KIF24: variants seen among roughly 807,000 people sequenced by gnomAD.
The protein encoded by KIF24 is kinesin family member 24.
In KIF24, 81 loss-of-function variants were observed where a neutral mutation model predicts 118.9. That is an observed-to-expected ratio of 0.68 (90% confidence interval 0.57 to 0.82). The LOEUF (loss-of-function observed/expected upper bound fraction) is 0.82, where lower values mean the gene tolerates loss of function less well. KIF24 is among the 40% of genes least tolerant of loss of function. The pLI, the probability that KIF24 is intolerant of heterozygous loss-of-function variation, is 0.00. For missense variants in KIF24, 1,560 were observed against 1,661.6 expected, an observed-to-expected ratio of 0.94 and a Z score of 1.06; for synonymous variants, 599 against 610.0, an observed-to-expected ratio of 0.98 and a Z score of 0.27.
At position 34,286,718 on chromosome 9, in the gene KIF24, A is replaced by G. The variant is rs1259361792; in HGVS notation, c.1128-14T>C. ...CTTGCAAAGAGCCTGCAGATGCAAG[A>G]AAGTGGTTGGTATGATGGTGCTACT... On this transcript the variant is annotated splice_polypyrimidine_tract_variant and intron_variant, in intron 5 of 12. Coordinates refer to ENST00000402558, the MANE Select transcript of KIF24 (RefSeq NM_194313.4). 5 of 1,591,532 alleles carry G rather than the reference A, an allele frequency of 3.1e-6. No individual in the cohort carries two copies. In the South Asian group the frequency reaches 4.4e-5, roughly 14 times the overall value.
chr9:34,299,330 G>A (rs779332166), intron 3 of KIF24, among the ~76,000 whole-genome samples: 64 of 151,852 alleles, frequency 4.2e-4, no homozygotes, highest in Non-Finnish European at 7.4e-4. Flanking sequence ...ACAGGCGCCC[G>A]CCACCACGCC....
chr9:34,280,474 A>G (rs1429490427), intron 6 of KIF24, among the ~76,000 whole-genome samples: 1 of 152,014 alleles, frequency 6.6e-6, no homozygotes, highest in Non-Finnish European at 1.5e-5. Context: ...TGAGGACCAG[A>G]CTCACCTGAT....
chr9:34,276,944 C>A (rs1353641223), intron 6 of KIF24, among the ~76,000 whole-genome samples: 1 of 152,220 alleles, frequency 6.6e-6, no homozygotes, highest in African/African-American at 2.4e-5. Context: ...ACTGAACCAT[C>A]TGGTTTAAAT....
rs1489695177 is a variant in KIF24, at chr9:34,311,154, G to A, written c.193C>T (p.Gln65Ter). The stretch of plus-strand genomic sequence containing the variant: ...ATACTGACTGCTTTATCTTCTTCTT[G>A]CATAATCTTAATAATTTTGATAAGT... ...FQLIKIIKIM[Q>*]EEDKAVSIPE... is the part of the protein sequence containing the mutation. The change falls in exon 2 of 13, where the codon CAA becomes TAA. Residue 65 changes from glutamine to a stop codon, truncating the protein, a stop_gained. Coordinates refer to ENST00000402558, the MANE Select transcript of KIF24 (RefSeq NM_194313.4). LOFTEE classifies it high-confidence loss of function. The A allele has an allele frequency of 6.2e-6, 10 of 1,613,180 alleles. No homozygotes were observed.
At chr9:34,298,617 TCTTAAC>T (rs1296721895) in intron 3 of KIF24, among the ~76,000 whole-genome samples, 1 of 151,516 alleles carries the variant, frequency 6.6e-6, no homozygotes, top group Non-Finnish European at 1.5e-5. Flanking sequence ...GGGACACCAG[TCTTAAC>T]TGGGGGGCAG....
At position 34,256,497 on chromosome 9, in the gene KIF24, T is replaced by G. The variant is rs1398459835; in HGVS notation, c.3110A>C (p.Gln1037Pro). Reference protein sequence around the residue: ...HAVPGEDPRGQLGTHAEYASG... With the variant: ...HAVPGEDPRGPLGTHAEYASG... ...AGCATATTCAGCATGCGTGCCTAACTGCCCCCTAGGATCCTCTCCTGGGAC... is the reference window on the plus strand; with the variant it reads ...AGCATATTCAGCATGCGTGCCTAACGGCCCCCTAGGATCCTCTCCTGGGAC... Residue 1037 changes from glutamine (Q) to proline (P), a missense_variant, in exon 11 of 13, where the codon CAG becomes CCG. Physicochemically the swap from Gln to Pro is moderately conservative, Grantham distance 76 (BLOSUM62 -1). This residue lies in a region of KIF24 where 591 missense variants were observed against 655.6 expected (regional missense o/e 0.90). Transcript: ENST00000402558. 1.2e-6 allele frequency: 2 copies of G among 1,613,686 alleles called. No individual in the cohort carries two copies. Among genetic ancestry groups the G allele is most frequent in the Admixed American group, 3.3e-5 (2 of 60,004 alleles).
At chr9:34,306,801 C>CAA (rs879605765) in intron 2 of KIF24, among the ~76,000 whole-genome samples, 147 of 135,152 alleles carry the variant, frequency 1.1e-3, no homozygotes, top group African/African-American at 3.7e-3. Context: ...GATTCTGTCT[C>CAA]AAAAAAAAAA....
chr9:34,301,284 G>T (rs1290735028), intron 3 of KIF24, among the ~76,000 whole-genome samples: 1 of 152,068 alleles, frequency 6.6e-6, no homozygotes, highest in Non-Finnish European at 1.5e-5. Flanking sequence ...GTCTCCCTTT[G>T]TCACCCAGGC....
chr9:34,314,013 C>A (rs1030230211), intron 1 of KIF24, among the ~76,000 whole-genome samples: 1 of 151,808 alleles, frequency 6.6e-6, no homozygotes, highest in Non-Finnish European at 1.5e-5. Context: ...GCCTCAGCCT[C>A]CCAAAGCGGT....
intron 2 of KIF24, among the ~76,000 whole-genome samples, chr9:34,309,619 A>G (rs1196601236): frequency 2.0e-5 from 3 of 152,010 alleles, no homozygotes; most frequent in Admixed American, 2.0e-4. Context: ...ATCTGCCTTC[A>G]TAGTCAAGGA....
At chr9:34,316,840 G>A (rs879575497) in intron 1 of KIF24, among the ~76,000 whole-genome samples, 4 of 152,200 alleles carry the variant, frequency 2.6e-5, no homozygotes, top group Non-Finnish European at 4.4e-5. Context: ...GGGAGGCTGA[G>A]GCGAGTGGAT....
chr9:34,288,891 C>G (rs1836151192), intron 5 of KIF24, among the ~76,000 whole-genome samples: 1 of 138,546 alleles, frequency 7.2e-6, no homozygotes, highest in Non-Finnish European at 1.6e-5. Flanking sequence ...CACACACACA[C>G]ACAGCACAGT....
chr9:34,273,078 G>A (rs1202187580), intron 6 of KIF24, among the ~76,000 whole-genome samples: 2 of 151,754 alleles, frequency 1.3e-5, no homozygotes, highest in African/African-American at 4.8e-5. Context: ...GCAAGACCCT[G>A]TCTCAAAAAA....
upstream of KIF24, among the ~76,000 whole-genome samples, chr9:34,329,791 G>A (rs1837832903): frequency 1.3e-5 from 2 of 152,290 alleles, no homozygotes; most frequent in Non-Finnish European, 2.9e-5. Context: ...TTTCCTGTCT[G>A]CACCGGGAGA....
chr9:34,271,089 T>C (rs2131705241), intron 7 of KIF24, among the ~76,000 whole-genome samples: 1 of 152,138 alleles, frequency 6.6e-6, no homozygotes, highest in South Asian at 2.1e-4. Flanking sequence ...AGTGAAGCCC[T>C]ATCTTACAAA....
rs748174527 is a variant in KIF24, at chr9:34,310,963, T to C, written c.384A>G (p.Glu128=). Residue 128 remains glutamate (E), a synonymous_variant, in exon 2 of 13, where the codon GAA becomes GAG. Transcript: ENST00000402558. ...MCSLSDFSAN[E]QKSTYLKVLE... is the part of the protein sequence containing the mutation. Reference sequence around the variant, plus strand: ...GCACTTTTAGGTAAGTGGACTTCTGTTCATTTGCAGAGAAATCTGATAAAC... The same window carrying C: ...GCACTTTTAGGTAAGTGGACTTCTGCTCATTTGCAGAGAAATCTGATAAAC... 18 of 1,613,888 alleles carry C rather than the reference T, an allele frequency of 1.1e-5. No individual in the cohort carries two copies. In the South Asian group the frequency reaches 1.9e-4, roughly 17 times the overall value.
Position 34,257,897 on chromosome 9 carries a change from T to G in KIF24, c.1710A>C (p.Arg570=). The change falls in exon 11 of 13, where the codon CGA becomes CGC. Residue 570 remains arginine (R), a synonymous_variant. Transcript: ENST00000402558. ...ACAAAGCCCCAGGGGAGCTCTGAAT[T>G]CGTTTTGGAGAGGAGTTTCCAGATG... ...NRTSGNSSPK[R]IQSSPGALSE... 6.2e-7 allele frequency: 1 copy of G among 1,614,040 alleles called. No homozygotes were observed. Among genetic ancestry groups the G allele is most frequent in the Non-Finnish European group, 8.5e-7 (1 of 1,179,886 alleles).
intron 6 of KIF24, among the ~76,000 whole-genome samples, chr9:34,273,382 C>CTAAG (rs923868620): frequency 3.1e-5 from 4 of 130,506 alleles, no homozygotes; most frequent in Non-Finnish European, 4.8e-5. Flanking sequence ...AAGTTATAAA[C>CTAAG]TAAGTAAGTA....
intron 6 of KIF24, among the ~76,000 whole-genome samples, chr9:34,283,470 A>G (rs1835929110): frequency 6.6e-6 from 1 of 152,216 alleles, no homozygotes; most frequent in South Asian, 2.1e-4. Flanking sequence ...TACACTTTAA[A>G]AAAGGTGAAT....
Sources: allele counts gnomAD v4.1 joint callset (sites outside exome capture counted in the v4.1 genomes callset), GRCh38; gene constraint gnomAD v4.1.1; regional missense constraint gnomAD v4.1.1; transcripts MANE v1.5; gene names NCBI Gene and HGNC (gene_info 2026-07-23, HGNC 2026-07-21).